The following SH3RF3 variants were observed in gnomAD, a reference collection of about 807,000 sequenced individuals.
SH3RF3 encodes the protein E3 ubiquitin-protein ligase SH3RF3.
In SH3RF3, 29 loss-of-function variants were observed where a neutral mutation model predicts 66.3. The ratio of observed to expected loss-of-function variants is 0.44; its 90% CI spans 0.33 to 0.60. The LOEUF (loss-of-function observed/expected upper bound fraction) is 0.60. Among genes scored for constraint, SH3RF3 ranks in the 20% least tolerant of loss-of-function variants. The probability of loss-of-function intolerance (pLI) is 0.04; values close to 1 mark genes in which losing one functional copy is unlikely to be tolerated. For synonymous variants in SH3RF3, 583 were observed against 532.0 expected, an observed-to-expected ratio of 1.10 and a Z score of -1.32; for missense variants, 1,194 against 1,190.9, an observed-to-expected ratio of 1.00 and a Z score of -0.04.
intron 1 of SH3RF3, among the ~76,000 whole-genome samples, chr2:109,209,455 C>G (rs1480738366): frequency 6.6e-6 from 1 of 152,114 alleles, no homozygotes; most frequent in Non-Finnish European, 1.5e-5. Flanking sequence ...TATGTGATGC[C>G]ATGGGTTGGG....
At chr2:109,188,629 C>T (rs1678259346) in intron 1 of SH3RF3, among the ~76,000 whole-genome samples, 1 of 152,184 alleles carries the variant, frequency 6.6e-6, no homozygotes, top group Non-Finnish European at 1.5e-5. Context: ...AGGGTGCAGT[C>T]ATCCACCTGG....
At chr2:109,296,489 G>C (rs1681312173) in intron 1 of SH3RF3, among the ~76,000 whole-genome samples, 1 of 151,944 alleles carries the variant, frequency 6.6e-6, no homozygotes, top group Non-Finnish European at 1.5e-5. Flanking sequence ...TGATCCACCC[G>C]CTTCAGCCTC....
intron 1 of SH3RF3, among the ~76,000 whole-genome samples, chr2:109,279,174 C>T (rs934887791): frequency 2.6e-5 from 4 of 152,168 alleles, no homozygotes; most frequent in African/African-American, 9.7e-5. Flanking sequence ...GGTCCGGATT[C>T]CATGCATACG....
At chr2:109,334,235 G>A (rs1682352324) in intron 1 of SH3RF3, among the ~76,000 whole-genome samples, 1 of 151,706 alleles carries the variant, frequency 6.6e-6, no homozygotes, top group Non-Finnish European at 1.5e-5. Context: ...GCATGCACCT[G>A]TAGTCTCAGC....
Position 109,398,595 on chromosome 2 carries a change from T to C in SH3RF3, c.951T>C (p.Asn317=). The change falls in exon 4 of 10, where the codon AAT becomes AAC. Residue 317 remains asparagine, a synonymous_variant. Transcript: ENST00000309415. ...CTCTCCCCTTTCTCACTCAGCTCAA[T>C]GACTCCGCCAAGCAGCTCATTGAGA... ...GIFPLLYVEL[N]DSAKQLIEMD... The C allele has an allele frequency of 6.4e-7, 1 of 1,561,314 alleles. No individual in the cohort carries two copies. Among genetic ancestry groups the C allele is most frequent in the Non-Finnish European group, 8.7e-7 (1 of 1,154,424 alleles).
chr2:109,385,610 G>A (rs1675803578), intron 3 of SH3RF3, among the ~76,000 whole-genome samples: 1 of 152,242 alleles, frequency 6.6e-6, no homozygotes, highest in Admixed American at 6.5e-5. Flanking sequence ...TTGGGAAAGG[G>A]ACAACCAGTG....
chr2:109,316,171 C>T (rs13033542), intron 1 of SH3RF3, among the ~76,000 whole-genome samples: 47,345 of 151,910 alleles, frequency 0.31, 9,124 homozygotes, highest in African/African-American at 0.55. Flanking sequence ...GCTGGTTTTG[C>T]TGAACTTTTG....
intron 1 of SH3RF3, among the ~76,000 whole-genome samples, chr2:109,175,664 G>A (rs1677899124): frequency 6.6e-6 from 1 of 152,220 alleles, no homozygotes; most frequent in African/African-American, 2.4e-5. Context: ...TCCAGAATCA[G>A]TAATAGGACA....
At chr2:109,256,898 AT>A (rs1188367949) in intron 1 of SH3RF3, among the ~76,000 whole-genome samples, 2 of 152,010 alleles carry the variant, frequency 1.3e-5, no homozygotes, top group African/African-American at 4.8e-5. Flanking sequence ...ATTGAATGGC[AT>A]TTTTATGTGT....
intron 1 of SH3RF3, among the ~76,000 whole-genome samples, chr2:109,249,572 CTTCCTTCCTTCCT>C (rs1367113069): frequency 1.6e-5 from 2 of 128,512 alleles, no homozygotes; most frequent in Non-Finnish European, 3.2e-5. Flanking sequence ...TCCTTCCTTC[CTTCCTTCCTTCCT>C]TTCCTTTCTT....
intron 1 of SH3RF3, among the ~76,000 whole-genome samples, chr2:109,338,088 T>C (rs894447058): frequency 3.9e-5 from 6 of 152,132 alleles, no homozygotes; most frequent in African/African-American, 1.4e-4. Context: ...TGGAGAACTT[T>C]AGTAAACACG....
intron 1 of SH3RF3, among the ~76,000 whole-genome samples, chr2:109,217,408 T>G (rs908198920): frequency 1.3e-5 from 2 of 152,258 alleles, no homozygotes; most frequent in African/African-American, 4.8e-5. Flanking sequence ...CACCCTGATC[T>G]TGACCTTAGT....
intron 4 of SH3RF3, 85 bp from the exon 5 acceptor site, chr2:109,419,454 G>A (rs73955583): frequency 3.6e-6 from 5 of 1,382,154 alleles, no homozygotes; most frequent in Non-Finnish European, 5.0e-6. Context: ...ACAGGCACCT[G>A]TGGATGCAGC....
chr2:109,384,425 G>A (rs1190109021), intron 3 of SH3RF3, among the ~76,000 whole-genome samples: 1 of 152,048 alleles, frequency 6.6e-6, no homozygotes, highest in African/African-American at 2.4e-5. Context: ...GGGCAGGGAG[G>A]GAGCAGGTCC....
At chr2:109,318,976 C>T (rs146237395) in intron 1 of SH3RF3, among the ~76,000 whole-genome samples, 1 of 152,326 alleles carries the variant, frequency 6.6e-6, no homozygotes, top group East Asian at 1.9e-4. Flanking sequence ...TTTCAAGTGT[C>T]TGTCCCAGAA....
At chr2:109,229,312 T>G (rs1454415823) in intron 1 of SH3RF3, among the ~76,000 whole-genome samples, 2 of 152,224 alleles carry the variant, frequency 1.3e-5, no homozygotes, top group African/African-American at 2.4e-5. Context: ...CTTCCTCTGT[T>G]GTTAACACCT....
chr2:109,384,744 C>G (rs73955567), intron 3 of SH3RF3, among the ~76,000 whole-genome samples: 4,351 of 152,172 alleles, frequency 0.029, 143 homozygotes, highest in African/African-American at 0.079. Flanking sequence ...GTGGAGGGAG[C>G]CTTCTAGACT....
chr2:109,387,291 C>A (rs926523222), intron 3 of SH3RF3, among the ~76,000 whole-genome samples: 1 of 152,192 alleles, frequency 6.6e-6, no homozygotes, highest in South Asian at 2.1e-4. Context: ...CTTTTCTCAG[C>A]GCCAGGGCCG....
intron 1 of SH3RF3, among the ~76,000 whole-genome samples, chr2:109,292,329 A>G (rs1036428853): frequency 1.3e-5 from 2 of 152,206 alleles, no homozygotes; most frequent in African/African-American, 4.8e-5. Context: ...GGGGTTCCAC[A>G]TATGTGTTTG....
Sources: gnomAD v4.1 joint callset for allele counts (sites outside exome capture counted in the v4.1 genomes callset) on GRCh38, gnomAD v4.1.1 for gene constraint, MANE v1.5 for transcripts, NCBI Gene and HGNC (gene_info 2026-07-23, HGNC 2026-07-21) for gene names.